The following CFAP47 variants were observed in gnomAD, a reference collection of about 807,000 sequenced individuals.
The protein encoded by CFAP47 is cilia- and flagella-associated protein 47.
A neutral mutation model predicts 148.1 loss-of-function variants in CFAP47; 29 were observed. The ratio of observed to expected loss-of-function variants is 0.20; its 90% CI spans 0.15 to 0.27. The LOEUF (loss-of-function observed/expected upper bound fraction) is 0.27. Ranked by LOEUF, CFAP47 falls within the 10% of genes least tolerant of loss-of-function variation. CFAP47 has a pLI of 1.00. For synonymous variants in CFAP47, 664 were observed against 577.3 expected (o/e 1.15, Z -2.15); for missense variants, 1,872 against 1,697.5 (o/e 1.10, Z -1.81).
At chrX:36,218,831 T>G (rs1053720865) in intron 45 of CFAP47, among the ~76,000 whole-genome samples, 1 of 111,848 alleles carries the variant, frequency 8.9e-6, no homozygotes, top group African/African-American at 3.2e-5. Flanking sequence ...CATCTCAATG[T>G]GAGGACAGGG....
intron 15 of CFAP47, among the ~76,000 whole-genome samples, chrX:35,985,067 T>C (rs1384560628): frequency 2.7e-5 from 3 of 111,568 alleles, no homozygotes; most frequent in Non-Finnish European, 5.7e-5. Flanking sequence ...ATTAGTGTGT[T>C]TATCTAAGTC....
At chrX:35,987,253 A>C (rs911870941) in intron 15 of CFAP47, among the ~76,000 whole-genome samples, 10 of 111,255 alleles carry the variant, frequency 9.0e-5, no homozygotes, top group Admixed American at 3.8e-4. Flanking sequence ...TGGGAATTTT[A>C]TCTATAAGCC....
chrX:36,335,421 C>T (rs781972071), intron 57 of CFAP47, among the ~76,000 whole-genome samples: 1 of 111,583 alleles, frequency 9.0e-6, no homozygotes, highest in South Asian at 3.7e-4. Flanking sequence ...TACCCCCCGC[C>T]TCAAAAATAT....
At chrX:35,943,856 T>C (rs768665047) in intron 3 of CFAP47, among the ~76,000 whole-genome samples, 2 of 111,267 alleles carry the variant, frequency 1.8e-5, no homozygotes, top group East Asian at 5.6e-4. Flanking sequence ...TGTATATATT[T>C]ATGGAGTACA....
chrX:36,019,952 T>C (rs1044483432), intron 22 of CFAP47, among the ~76,000 whole-genome samples: 7 of 112,001 alleles, frequency 6.2e-5, no homozygotes, highest in Admixed American at 1.9e-4. Flanking sequence ...TCAGATCTTA[T>C]TTCTTTTTTT....
intron 1 of CFAP47, among the ~76,000 whole-genome samples, chrX:35,924,677 T>C (rs1309270710): frequency 9.0e-6 from 1 of 110,502 alleles, no homozygotes; most frequent in Non-Finnish European, 1.9e-5. Flanking sequence ...GTATTCAGAT[T>C]TTAAGCTTCT....
rs186593245 is a variant in CFAP47 at position 36,070,738 on chromosome X, C to T, written c.4319-1087C>T. Among the ~76,000 whole-genome samples, 29 of 111,024 alleles carry T rather than the reference C, an allele frequency of 2.6e-4. No homozygotes were observed. In the East Asian group the frequency reaches 4.6e-3, roughly 18 times the overall value. Reference sequence around the variant, plus strand: ...AACTCCTGACCTCAGGTGATCCGCCCGCCTTGGCCTCCCAAAGTGCTGGGA... The same window carrying T: ...AACTCCTGACCTCAGGTGATCCGCCTGCCTTGGCCTCCCAAAGTGCTGGGA... On this transcript the variant is annotated intron_variant, in intron 27 of 63. Transcript: ENST00000378653.
chrX:36,337,236 G>A (rs1281311318), intron 57 of CFAP47, among the ~76,000 whole-genome samples: 5 of 112,474 alleles, frequency 4.4e-5, no homozygotes, highest in Non-Finnish European at 9.4e-5. Flanking sequence ...TCTGTGAAGA[G>A]AGCAGAAACT....
intron 26 of CFAP47, among the ~76,000 whole-genome samples, chrX:36,056,021 AG>A (rs202244503): frequency 0.095 from 10,351 of 108,757 alleles, 497 homozygotes; most frequent in East Asian, 0.3. Flanking sequence ...TTTTTCTTGT[AG>A]ATTTCTTTAA....
At chrX:35,982,255 T>C (rs1320209695) in intron 15 of CFAP47, among the ~76,000 whole-genome samples, 1 of 112,064 alleles carries the variant, frequency 8.9e-6, no homozygotes, top group African/African-American at 3.2e-5. Context: ...TTTACATTTC[T>C]CTAATGATTA....
rs189484735 is a variant in CFAP47 at position 36,353,403 on chromosome X, A to T, written c.8699-126A>T. The stretch of plus-strand genomic sequence containing the variant: ...TGTGTGTATGTGTGTATGTGGCCAG[A>T]TACAATGACAAGTCAAAGTATATCA... On this transcript the variant is annotated intron_variant, in intron 59 of 63. Transcript: ENST00000378653. 3 of 537,757 alleles carry T rather than the reference A, an allele frequency of 5.6e-6. No individual in the cohort carries two copies. The African/African-American group carries it at 7.1e-5, about 13-fold the overall frequency. 44.3% of individuals were successfully genotyped at this position (537,757 alleles called of 1,213,427 possible).
At chrX:36,363,570 G>A (rs1208870382) in intron 61 of CFAP47, among the ~76,000 whole-genome samples, 3 of 111,732 alleles carry the variant, frequency 2.7e-5, no homozygotes, top group Non-Finnish European at 5.7e-5. Context: ...TACACCAATA[G>A]CATTGAGCTA....
intron 57 of CFAP47, among the ~76,000 whole-genome samples, chrX:36,320,226 A>T (rs1428905503): frequency 1.8e-5 from 2 of 112,217 alleles, no homozygotes; most frequent in African/African-American, 6.5e-5. Flanking sequence ...AACGCTAAAA[A>T]ATTATGAATT....
chrX:36,093,481 T>A (rs1404255098), intron 30 of CFAP47, among the ~76,000 whole-genome samples: 2 of 111,551 alleles, frequency 1.8e-5, no homozygotes, highest in African/African-American at 6.5e-5. Context: ...CTCTTTATAC[T>A]TTTGATTTGC....
Position 36,235,918 on chromosome X carries a change from C to T in CFAP47, c.7015-16C>T. Reference sequence around the variant, plus strand: ...TATCATCTCTCTGATATTTCTGTACCTTTTTCATGCTTTAGAAAAATCAAA... The same window carrying T: ...TATCATCTCTCTGATATTTCTGTACTTTTTTCATGCTTTAGAAAAATCAAA... On this transcript the variant is annotated splice_polypyrimidine_tract_variant and intron_variant, in intron 46 of 63. Coordinates refer to ENST00000378653, the MANE Select transcript of CFAP47 (RefSeq NM_001304548.2). The T allele has an allele frequency of 4.4e-6, 2 of 456,584 alleles. No homozygotes were observed. The highest frequency in any genetic ancestry group is 7.8e-6 in the Non-Finnish European group (2 of 255,676). 37.6% of individuals were successfully genotyped at this position (456,584 alleles called of 1,213,427 possible).
chrX:36,057,862 C>T, intron 26 of CFAP47, among the ~76,000 whole-genome samples: 1 of 111,486 alleles, frequency 9.0e-6, no homozygotes, highest in Middle Eastern at 4.6e-3. Context: ...ACAGCACCAA[C>T]CTAAGCTTTT....
intron 26 of CFAP47, among the ~76,000 whole-genome samples, chrX:36,061,909 C>G (rs1937596693): frequency 8.9e-6 from 1 of 112,132 alleles, no homozygotes; most frequent in Non-Finnish European, 1.9e-5. Context: ...CTGTTGTTCA[C>G]TTTATTCAAA....
intron 33 of CFAP47, among the ~76,000 whole-genome samples, chrX:36,112,536 T>C (rs1472159241): frequency 8.9e-6 from 1 of 111,808 alleles, no homozygotes; most frequent in African/African-American, 3.2e-5. Flanking sequence ...TGATCGATTT[T>C]AGAGTATGTG....
chrX:36,323,349 T>TTC (rs1556012373), intron 57 of CFAP47, among the ~76,000 whole-genome samples: 17 of 109,864 alleles, frequency 1.5e-4, no homozygotes, highest in Admixed American at 1.4e-3. Flanking sequence ...CTTTTTTTTT[T>TTC]TCTCTCTCTC....
Sources: allele counts gnomAD v4.1 joint callset (sites outside exome capture counted in the v4.1 genomes callset), GRCh38; gene constraint gnomAD v4.1.1; transcripts MANE v1.5; gene names NCBI Gene and HGNC (gene_info 2026-07-23, HGNC 2026-07-21).